Variants in HUNK observed in about 807,000 individuals in gnomAD.
HUNK encodes the protein hormonally up-regulated neu tumor-associated kinase.
Under a neutral mutation model 61.0 loss-of-function variants are expected in HUNK, and 21 were observed. That is an observed-to-expected ratio of 0.34 (90% CI 0.24 to 0.50). HUNK has a LOEUF of 0.50. HUNK is among the 20% of genes least tolerant of loss of function. The pLI is 0.98. For missense variants in HUNK, 772 were observed against 945.7 expected, an observed-to-expected ratio of 0.82 and a Z score of 2.41; for synonymous variants, 371 against 386.1, an observed-to-expected ratio of 0.96 and a Z score of 0.46.
At chr21:31,969,202 C>T (rs71323309) in intron 6 of HUNK, among the ~76,000 whole-genome samples, 1 of 151,334 alleles carries the variant, frequency 6.6e-6, no homozygotes, top group African/African-American at 2.4e-5. Context: ...AGTGTGTTTG[C>T]GTGTGTGTGA....
At chr21:31,936,244 A>T (rs1191942330) in intron 2 of HUNK, among the ~76,000 whole-genome samples, 1 of 152,194 alleles carries the variant, frequency 6.6e-6, no homozygotes, top group Non-Finnish European at 1.5e-5. Flanking sequence ...TAAGTTTTCC[A>T]CTCATTTAGG....
chr21:31,877,768 T>C (rs867483294), intron 1 of HUNK, among the ~76,000 whole-genome samples: 6 of 152,260 alleles, frequency 3.9e-5, no homozygotes, highest in African/African-American at 9.6e-5. Context: ...GTAATGACTT[T>C]GAAACACCTG....
At chr21:31,981,745 A>G (rs1307440841) in intron 7 of HUNK, among the ~76,000 whole-genome samples, 1 of 152,162 alleles carries the variant, frequency 6.6e-6, no homozygotes, top group East Asian at 1.9e-4. Flanking sequence ...TAGTAGTTCA[A>G]ACAGTTTTTT....
intron 1 of HUNK, among the ~76,000 whole-genome samples, chr21:31,890,919 G>A (rs2052383105): frequency 6.6e-6 from 1 of 151,516 alleles, no homozygotes; most frequent in Non-Finnish European, 1.5e-5. Context: ...TATCTTATTG[G>A]TTTATAGAAA....
At chr21:31,898,459 G>A (rs1393556560) in intron 1 of HUNK, among the ~76,000 whole-genome samples, 2 of 152,052 alleles carry the variant, frequency 1.3e-5, no homozygotes, top group Non-Finnish European at 2.9e-5. Context: ...TAGAGACAGG[G>A]TTTCACCATG....
chr21:32,000,515 A>G lies in HUNK; in HGVS notation c.*1331A>G. ...CAGGGTGCAGTCATTGGTGAGAAGAATCAGAAAAAGAAGACCCATCAGCAC... is the reference window on the plus strand; with the variant it reads ...CAGGGTGCAGTCATTGGTGAGAAGAGTCAGAAAAAGAAGACCCATCAGCAC... On this transcript the variant is annotated 3_prime_UTR_variant, in exon 11 of 11. Transcript: ENST00000270112. 1 of 399,218 alleles carries G rather than the reference A, an allele frequency of 2.5e-6. No individual in the cohort carries two copies. The highest frequency in any genetic ancestry group is 4.4e-6 in the Non-Finnish European group (1 of 226,198). The allele number at this position is 399,218 out of a possible 1,614,324, so 24.7% of individuals were successfully genotyped here.
chr21:31,912,050 C>T (rs940288754), intron 1 of HUNK, among the ~76,000 whole-genome samples: 11 of 152,174 alleles, frequency 7.2e-5, no homozygotes, highest in African/African-American at 2.7e-4. Flanking sequence ...GTCAGTTGTA[C>T]GGCTGCTGTC....
chr21:31,979,334 G>A (rs1043262885), intron 7 of HUNK, among the ~76,000 whole-genome samples: 14 of 151,610 alleles, frequency 9.2e-5, no homozygotes, highest in Non-Finnish European at 4.4e-5. Flanking sequence ...GGCCAGGATG[G>A]TCTCAATCTC....
chr21:32,001,938 A>T lies in HUNK; in HGVS notation c.*2754A>T, dbSNP rs2053249113. On this transcript the variant is annotated 3_prime_UTR_variant, in exon 11 of 11. Transcript: ENST00000270112. Reference sequence around the variant, plus strand: ...TGATTTGGTCATAAGTAAGGACTATATTTATGTCACCATTATTAGATATAT... The same window carrying T: ...TGATTTGGTCATAAGTAAGGACTATTTTTATGTCACCATTATTAGATATAT... The T allele has an allele frequency of 6.6e-6, 1 of 152,588 alleles. No individual in the cohort carries two copies. Among genetic ancestry groups the T allele is most frequent in the Non-Finnish European group, 1.5e-5 (1 of 68,036 alleles). 9.5% of individuals were successfully genotyped at this position (152,588 alleles called of 1,614,324 possible).
rs952568098 is a variant in HUNK, at chr21:31,998,520, G to A, written c.1487-6G>A. ...TCATGATTGTTTATGCTTTCTTGGT[G>A]TGCAGATTCCTTTGGCTGCCGCAAT... On this transcript the variant is annotated splice_region_variant and splice_polypyrimidine_tract_variant and intron_variant, in intron 10 of 10. Transcript: ENST00000270112. 2.5e-6 allele frequency: 4 copies of A among 1,573,358 alleles called. No individual in the cohort carries two copies. Among genetic ancestry groups the A allele is most frequent in the Non-Finnish European group, 2.6e-6 (3 of 1,160,782 alleles).
chr21:31,977,019 C>T (rs2123854203), intron 7 of HUNK, among the ~76,000 whole-genome samples: 1 of 152,220 alleles, frequency 6.6e-6, no homozygotes, highest in Non-Finnish European at 1.5e-5. Context: ...AGTCTGCCCA[C>T]CTTGGCCTCC....
At chr21:31,992,670 G>A (rs538334723) in intron 9 of HUNK, among the ~76,000 whole-genome samples, 1 of 152,358 alleles carries the variant, frequency 6.6e-6, no homozygotes, top group African/African-American at 2.4e-5. Context: ...GCTTGCATGT[G>A]GAAGGGGGAG....
At chr21:31,994,979 C>T (rs2053194205) in intron 9 of HUNK, among the ~76,000 whole-genome samples, 1 of 151,998 alleles carries the variant, frequency 6.6e-6, no homozygotes, top group Admixed American at 6.6e-5. Context: ...ATAACGAGAC[C>T]CCATCTCTAC....
chr21:31,939,402 T>G (rs1179921124), intron 2 of HUNK, among the ~76,000 whole-genome samples: 4 of 89,072 alleles, frequency 4.5e-5, no homozygotes, highest in East Asian at 3.9e-4. Context: ...TTCATGTGTT[T>G]TTTTTTTTTT....
chr21:31,906,929 C>T (rs1369418266), intron 1 of HUNK, among the ~76,000 whole-genome samples: 1 of 152,010 alleles, frequency 6.6e-6, no homozygotes, highest in Admixed American at 6.6e-5. Context: ...AATCCCAGCA[C>T]TTTGGGAGGC....
At chr21:31,918,232 G>A (rs2052599278) in intron 1 of HUNK, among the ~76,000 whole-genome samples, 1 of 152,172 alleles carries the variant, frequency 6.6e-6, no homozygotes, top group Non-Finnish European at 1.5e-5. Context: ...GAGCTTGTAA[G>A]TCAGGGGGTG....
chr21:31,969,227 C>T (rs1041176566), intron 6 of HUNK, among the ~76,000 whole-genome samples: 2 of 152,104 alleles, frequency 1.3e-5, no homozygotes, highest in Non-Finnish European at 2.9e-5. Flanking sequence ...CTCACGAGCC[C>T]ACCTGCCAAC....
chr21:31,895,531 G>A (rs530214485), intron 1 of HUNK, among the ~76,000 whole-genome samples: 2 of 152,292 alleles, frequency 1.3e-5, no homozygotes, highest in South Asian at 2.1e-4. Flanking sequence ...AATGGTACGT[G>A]GTGGTTTTGG....
At chr21:31,968,491 G>T in intron 6 of HUNK, 106 bp downstream of exon 6, 1 of 1,353,654 alleles carries the variant, frequency 7.4e-7, no homozygotes, top group Non-Finnish European at 1.0e-6. Context: ...GAAAAGCCGC[G>T]CTCTCTCTTG....
Sources: allele counts gnomAD v4.1 joint callset (sites outside exome capture counted in the v4.1 genomes callset), GRCh38; gene constraint gnomAD v4.1.1; transcripts MANE v1.5; gene names NCBI Gene and HGNC (gene_info 2026-07-23, HGNC 2026-07-21).